CTNNA3: variants seen among roughly 807,000 people sequenced by gnomAD.
CTNNA3 encodes catenin alpha-3.
Under a neutral mutation model 95.7 loss-of-function variants are expected in CTNNA3, and 76 were observed. The ratio of observed to expected loss-of-function variants is 0.79; its 90% CI spans 0.66 to 0.96. The LOEUF is 0.96. Among genes scored for constraint, CTNNA3 ranks in the 40% least tolerant of loss-of-function variants. CTNNA3 has a pLI of 0.00. For synonymous variants in CTNNA3, 431 were observed against 374.4 expected, an observed-to-expected ratio of 1.15 and a Z score of -1.74; for missense variants, 1,191 against 1,089.8, an observed-to-expected ratio of 1.09 and a Z score of -1.31.
intron 5 of CTNNA3, among the ~76,000 whole-genome samples, chr10:67,287,558 C>T (rs372656329): frequency 2.3e-4 from 35 of 152,146 alleles, no homozygotes; most frequent in African/African-American, 8.0e-4. Context: ...TGACTGCATA[C>T]AAATGACTTG....
At chr10:67,481,398 G>A (rs190074218) in intron 5 of CTNNA3, among the ~76,000 whole-genome samples, 21 of 152,086 alleles carry the variant, frequency 1.4e-4, no homozygotes, top group African/African-American at 4.8e-4. Flanking sequence ...CTATCTAAAG[G>A]CTCCTGAAAC....
intron 7 of CTNNA3, among the ~76,000 whole-genome samples, chr10:66,780,391 T>C (rs1840480496): frequency 1.1e-5 from 1 of 92,164 alleles, no homozygotes; most frequent in Admixed American, 1.3e-4. Context: ...AACCACAGAC[T>C]TAAGGACTCT....
chr10:66,913,238 C>CAAAAAAAAAAAAAAAAAAAAAAAAAAAA (rs1161880781), intron 7 of CTNNA3, among the ~76,000 whole-genome samples: 2 of 33,530 alleles, frequency 6.0e-5, no homozygotes, highest in Non-Finnish European at 1.0e-4. Flanking sequence ...GACTCCGTCT[C>CAAAAAAAAAAAAAAAAAAAAAAAAAAAA]AAAAAAAAAA....
intron 7 of CTNNA3, among the ~76,000 whole-genome samples, chr10:66,897,828 T>G (rs1264980701): frequency 6.6e-6 from 1 of 152,156 alleles, no homozygotes; most frequent in East Asian, 1.9e-4. Flanking sequence ...AAAATATTTC[T>G]CTTTCAAAAC....
In CTNNA3 at chr10:66,957,053, T is replaced by G. The variant is rs939199918; in HGVS notation, c.1048-181529A>C. ...ACAAACAGCCATAATGCTACCTAGC[T>G]CTGTCTAAATTGAATTCATGACATG... is the stretch of plus-strand genomic sequence containing the variant. On this transcript the variant is annotated intron_variant, in intron 7 of 17. Coordinates refer to ENST00000433211, the MANE Select transcript of CTNNA3 (RefSeq NM_013266.4). Among the ~76,000 whole-genome samples the G allele has an allele frequency of 2.0e-5, 3 of 152,186 alleles. No homozygotes were observed. In the East Asian group the frequency reaches 5.8e-4, roughly 29 times the overall value.
chr10:66,122,518 C>G (rs757557958), intron 13 of CTNNA3, among the ~76,000 whole-genome samples: 1 of 151,874 alleles, frequency 6.6e-6, no homozygotes, highest in Non-Finnish European at 1.5e-5. Flanking sequence ...GGATAAATAC[C>G]AAGAAAGTAC....
chr10:66,412,789 A>T (rs1318921679), intron 11 of CTNNA3, among the ~76,000 whole-genome samples: 1 of 152,086 alleles, frequency 6.6e-6, no homozygotes, highest in African/African-American at 2.4e-5. Flanking sequence ...AATGTGAGCC[A>T]GTATCTTTTT....
intron 1 of CTNNA3, among the ~76,000 whole-genome samples, chr10:67,648,136 A>G (rs1010512256): frequency 8.5e-5 from 13 of 152,296 alleles, no homozygotes; most frequent in Admixed American, 7.8e-4. Context: ...TTTGGTCAAG[A>G]CAAAATAAGA....
intron 7 of CTNNA3, among the ~76,000 whole-genome samples, chr10:67,009,741 C>T (rs1852210747): frequency 6.6e-6 from 1 of 152,070 alleles, no homozygotes; most frequent in Admixed American, 6.6e-5. Flanking sequence ...TCTCTTGTTT[C>T]TCTTGCTAGA....
chr10:66,601,428 C>A (rs917305319), intron 10 of CTNNA3, among the ~76,000 whole-genome samples: 2 of 152,006 alleles, frequency 1.3e-5, no homozygotes, highest in East Asian at 1.9e-4. Flanking sequence ...ATAAACTATG[C>A]AATATCATAT....
intron 7 of CTNNA3, among the ~76,000 whole-genome samples, chr10:66,856,592 A>C (rs898865393): frequency 6.6e-6 from 1 of 152,082 alleles, no homozygotes; most frequent in Non-Finnish European, 1.5e-5. Flanking sequence ...TTTTTAAATA[A>C]TAGCCATTCT....
At chr10:66,372,646 T>A (rs556905531) in intron 12 of CTNNA3, among the ~76,000 whole-genome samples, 1 of 152,318 alleles carries the variant, frequency 6.6e-6, no homozygotes, top group East Asian at 1.9e-4. Flanking sequence ...GACTGGCTAA[T>A]TTATAAAGAA....
intron 7 of CTNNA3, among the ~76,000 whole-genome samples, chr10:66,959,522 C>T (rs959123688): frequency 1.3e-5 from 2 of 152,160 alleles, no homozygotes; most frequent in African/African-American, 4.8e-5. Flanking sequence ...TCTAAGGGCT[C>T]TGCCCCTGGT....
At chr10:67,325,718 G>A (rs940841381) in intron 5 of CTNNA3, among the ~76,000 whole-genome samples, 6 of 152,126 alleles carry the variant, frequency 3.9e-5, no homozygotes, top group Admixed American at 3.9e-4. Context: ...TTGTTTTGGG[G>A]TGGAGAGTTC....
upstream of CTNNA3, among the ~76,000 whole-genome samples, chr10:67,698,468 C>G (rs1179118557): frequency 6.6e-6 from 1 of 152,116 alleles, no homozygotes; most frequent in Non-Finnish European, 1.5e-5. Context: ...TAATTCTATC[C>G]CTGTCAGTAG....
chr10:67,089,103 C>T (rs950923343), intron 7 of CTNNA3, among the ~76,000 whole-genome samples: 2 of 151,906 alleles, frequency 1.3e-5, no homozygotes, highest in African/African-American at 4.8e-5. Context: ...AAGGGACTTA[C>T]ATAAACCTAA....
At chr10:66,319,725 T>C (rs1480719201) in intron 12 of CTNNA3, among the ~76,000 whole-genome samples, 1 of 152,138 alleles carries the variant, frequency 6.6e-6, no homozygotes, top group Non-Finnish European at 1.5e-5. Flanking sequence ...GTTTGGAATG[T>C]CTGTTACTAG....
intron 1 of CTNNA3, among the ~76,000 whole-genome samples, chr10:67,695,327 T>C (rs1840942977): frequency 6.6e-6 from 1 of 152,194 alleles, no homozygotes; most frequent in Non-Finnish European, 1.5e-5. Flanking sequence ...TTTCTTTTAT[T>C]TGTCTTCCGT....
chr10:67,304,132 C>T (rs1312869197), intron 5 of CTNNA3, among the ~76,000 whole-genome samples: 1 of 152,150 alleles, frequency 6.6e-6, no homozygotes, highest in African/African-American at 2.4e-5. Flanking sequence ...TGGAGTTGGG[C>T]AAAATTAAGG....
Sources: allele counts gnomAD v4.1 joint callset (sites outside exome capture counted in the v4.1 genomes callset), GRCh38; gene constraint gnomAD v4.1.1; transcripts MANE v1.5; gene names NCBI Gene and HGNC (gene_info 2026-07-23, HGNC 2026-07-21).